FBN2: variants seen among roughly 807,000 people sequenced by gnomAD.
The protein encoded by FBN2 is fibrillin 2.
Under a neutral mutation model 355.6 loss-of-function variants are expected in FBN2, and 105 were observed. The observed-to-expected ratio is 0.30, with a 90% CI of 0.25 to 0.35. The LOEUF (loss-of-function observed/expected upper bound fraction) is 0.35, where lower values mean the gene tolerates loss of function less well. Among genes scored for constraint, FBN2 ranks in the 10% least tolerant of loss-of-function variants. FBN2 has a pLI of 1.00. For synonymous variants in FBN2, 1,350 were observed against 1,301.2 expected, an observed-to-expected ratio of 1.04 and a Z score of -0.81; for missense variants, 3,280 against 3,758.7, an observed-to-expected ratio of 0.87 and a Z score of 3.33.
At chr5:128,350,056 C>CA in intron 21 of FBN2, 51 bp from the exon 22 acceptor site, 1 of 1,396,276 alleles carries the variant, frequency 7.2e-7, no homozygotes, top group Middle Eastern at 1.8e-4. Flanking sequence ...AAAATACAAC[C>CA]ATGGTATGCT....
At chr5:128,265,546 G>A (rs1334290918) in intron 62 of FBN2, among the ~76,000 whole-genome samples, 1 of 152,114 alleles carries the variant, frequency 6.6e-6, no homozygotes, top group Non-Finnish European at 1.5e-5. Context: ...ATTGTGAACA[G>A]GCTACAGAAG....
intron 7 of FBN2, among the ~76,000 whole-genome samples, chr5:128,421,304 T>C (rs944523977): frequency 2.0e-5 from 3 of 151,956 alleles, no homozygotes; most frequent in Non-Finnish European, 4.4e-5. Flanking sequence ...AGGGCTGACG[T>C]AGAAATGGGT....
chr5:128,388,099 CTTCT>C (rs551803646), intron 11 of FBN2, among the ~76,000 whole-genome samples: 100 of 152,166 alleles, frequency 6.6e-4, no homozygotes, highest in South Asian at 1.5e-3. Context: ...ATGTAATGGC[CTTCT>C]TTGTCTTTTT....
Position 128,392,073 on chromosome 5 carries a change from G to A in FBN2, c.1548C>T (p.Ser516=). 1.9e-6 allele frequency: 3 copies of A among 1,613,564 alleles called. No homozygotes were observed. The South Asian group carries it at 3.3e-5, about 18-fold the overall frequency. ...LNGRCIPTVS[S]YRCECNMGYK... ...AACCCATGTTGCATTCACATCGGTA[G>A]CTTGAGACAGTTGGTATACAGCGTC... The change falls in exon 11 of 65, where the codon AGC becomes AGT. Residue 516 remains serine (S), a synonymous_variant. Coordinates refer to ENST00000262464, the MANE Select transcript of FBN2 (RefSeq NM_001999.4).
chr5:128,456,025 C>CAAAAAAAAAAAAAAAAAAAAAAAAAAAA (rs1754384315), intron 6 of FBN2, among the ~76,000 whole-genome samples: 2 of 46,746 alleles, frequency 4.3e-5, no homozygotes, highest in Non-Finnish European at 7.8e-5. Flanking sequence ...AAAAAAAAAG[C>CAAAAAAAAAAAAAAAAAAAAAAAAAAAA]AACTGCTGAA....
At chr5:128,391,137 T>G (rs1187528357) in intron 11 of FBN2, among the ~76,000 whole-genome samples, 1 of 152,204 alleles carries the variant, frequency 6.6e-6, no homozygotes, top group African/African-American at 2.4e-5. Flanking sequence ...TGGTTTCAGA[T>G]TCTACATGGT....
chr5:128,404,343 G>A (rs989549), intron 8 of FBN2, among the ~76,000 whole-genome samples: 16,755 of 152,164 alleles, frequency 0.11, 1,101 homozygotes, highest in African/African-American at 0.17. Flanking sequence ...TTATAACACT[G>A]GTTTTGTAAT....
intron 7 of FBN2, among the ~76,000 whole-genome samples, chr5:128,426,252 A>G (rs569899790): frequency 6.6e-6 from 1 of 152,320 alleles, no homozygotes; most frequent in African/African-American, 2.4e-5. Flanking sequence ...CATCTGGACA[A>G]TTCTCAAGTG....
Position 128,462,016 on chromosome 5 carries a change from A to C in FBN2, c.826+2708T>G, listed in dbSNP as rs1181169248. ...AAAATAAAGTTACTGATTTTCTCAC[A>C]GCTTAATTCTTTAAGTATTATCTTA... On this transcript the variant is annotated intron_variant, in intron 6 of 64. Coordinates refer to ENST00000262464, the MANE Select transcript of FBN2 (RefSeq NM_001999.4). Among the ~76,000 whole-genome samples the C allele has an allele frequency of 2.0e-5, 3 of 152,288 alleles. No individual in the cohort carries two copies. The East Asian group carries it at 5.8e-4, about 29-fold the overall frequency.
chr5:128,319,098 T>C (rs1162092374), intron 34 of FBN2, 97 bp from the exon 35 acceptor site: 5 of 1,005,168 alleles, frequency 5.0e-6, no homozygotes, highest in Non-Finnish European at 7.7e-6. Flanking sequence ...CCCCCTCAGA[T>C]GTTTTTATTC....
chr5:128,432,226 C>A (rs978715592), intron 7 of FBN2, among the ~76,000 whole-genome samples: 4 of 152,102 alleles, frequency 2.6e-5, no homozygotes, highest in Non-Finnish European at 5.9e-5. Context: ...TTTTGATGCA[C>A]TGGTTGTATT....
intron 5 of FBN2, among the ~76,000 whole-genome samples, chr5:128,485,848 G>A (rs1473298111): frequency 1.3e-5 from 2 of 152,208 alleles, no homozygotes; most frequent in Middle Eastern, 3.4e-3. Flanking sequence ...GGCACATAAA[G>A]GACTTCTTGA....
chr5:128,389,186 T>C (rs533616029), intron 11 of FBN2, among the ~76,000 whole-genome samples: 4 of 152,332 alleles, frequency 2.6e-5, no homozygotes, highest in Admixed American at 6.5e-5. Flanking sequence ...CTCTATCAGA[T>C]CAGTTTGCTT....
chr5:128,376,414 TTTC>T (rs764566830), intron 14 of FBN2, among the ~76,000 whole-genome samples: 2 of 152,212 alleles, frequency 1.3e-5, no homozygotes, highest in Admixed American at 1.3e-4. Flanking sequence ...TTCAAGATTT[TTTC>T]TTCTTCTTTT....
intron 5 of FBN2, among the ~76,000 whole-genome samples, chr5:128,470,172 C>G (rs1754819428): frequency 6.6e-6 from 1 of 152,168 alleles, no homozygotes; most frequent in Non-Finnish European, 1.5e-5. Flanking sequence ...GGAGATTGTA[C>G]TCCCACAGGA....
At chr5:128,499,367 G>C (rs1030437148) in intron 5 of FBN2, among the ~76,000 whole-genome samples, 1 of 152,106 alleles carries the variant, frequency 6.6e-6, no homozygotes, top group Non-Finnish European at 1.5e-5. Flanking sequence ...TACTTTGTAA[G>C]GGCCTCATGC....
At chr5:128,454,036 G>A (rs1042908147) in intron 6 of FBN2, among the ~76,000 whole-genome samples, 2 of 151,388 alleles carry the variant, frequency 1.3e-5, no homozygotes, top group African/African-American at 4.9e-5. Flanking sequence ...TTACTGTGAG[G>A]TTCTGAAGTA....
intron 48 of FBN2, among the ~76,000 whole-genome samples, chr5:128,299,037 G>T (rs1749625283): frequency 6.6e-6 from 1 of 152,172 alleles, no homozygotes; most frequent in African/African-American, 2.4e-5. Flanking sequence ...CTTTCTGTTA[G>T]TTTTCCTTCT....
In FBN2 at chr5:128,259,439, C is replaced by T. The variant is rs1319128320; in HGVS notation, c.*16G>A. Reference sequence around the variant, plus strand: ...GCTGTGCTAGGATTTGAGCCTGGGCCCAAGTCTGTGAAGGGTTAATAGAGC... The same window carrying T: ...GCTGTGCTAGGATTTGAGCCTGGGCTCAAGTCTGTGAAGGGTTAATAGAGC... On this transcript the variant is annotated 3_prime_UTR_variant, in exon 65 of 65. Transcript: ENST00000262464. 6.2e-7 allele frequency: 1 copy of T among 1,612,372 alleles called. No individual in the cohort carries two copies. The highest frequency in any genetic ancestry group is 8.5e-7 in the Non-Finnish European group (1 of 1,179,956).
Sources: gnomAD v4.1 joint callset for allele counts (sites outside exome capture counted in the v4.1 genomes callset) on GRCh38, gnomAD v4.1.1 for gene constraint, MANE v1.5 for transcripts, NCBI Gene and HGNC (gene_info 2026-07-23, HGNC 2026-07-21) for gene names.